The following DLGAP1 variants were observed in gnomAD, a reference collection of about 807,000 sequenced individuals.
DLGAP1 encodes disks large-associated protein 1.
DLGAP1 carries 11 observed loss-of-function variants against 90.8 expected under a neutral mutation model. The ratio of observed to expected loss-of-function variants is 0.12; its 90% CI spans 0.08 to 0.20. The LOEUF (loss-of-function observed/expected upper bound fraction) is 0.20. Among genes scored for constraint, DLGAP1 ranks in the 10% least tolerant of loss-of-function variants. The probability of loss-of-function intolerance (pLI) is 1.00; values close to 1 mark genes in which losing one functional copy is unlikely to be tolerated. For missense variants in DLGAP1, 1,050 were observed against 1,333.8 expected (o/e 0.79, Z 3.31); for synonymous variants, 558 against 540.7 (o/e 1.03, Z -0.44).
chr18:3,908,465 T>C (rs986182330), intron 3 of DLGAP1, among the ~76,000 whole-genome samples: 3 of 152,186 alleles, frequency 2.0e-5, no homozygotes, highest in East Asian at 3.9e-4. Flanking sequence ...GAAAAATTAC[T>C]GATTTCTGGC....
intron 2 of DLGAP1, among the ~76,000 whole-genome samples, chr18:4,080,456 A>G (rs1237450642): frequency 6.6e-6 from 1 of 152,204 alleles, no homozygotes; most frequent in African/African-American, 2.4e-5. Flanking sequence ...CAAAATGGCT[A>G]TTCAGGAAGG....
intron 1 of DLGAP1, among the ~76,000 whole-genome samples, chr18:4,282,282 T>C (rs941381677): frequency 4.0e-5 from 6 of 150,012 alleles, no homozygotes; most frequent in Non-Finnish European, 8.8e-5. Context: ...GAGAATGGCA[T>C]GAACCTGGGA....
intron 7 of DLGAP1, among the ~76,000 whole-genome samples, chr18:3,596,412 G>A (rs975962410): frequency 3.9e-5 from 6 of 151,908 alleles, no homozygotes; most frequent in Non-Finnish European, 7.4e-5. Context: ...TGTCTGCCTC[G>A]GCCTCCCAAA....
chr18:3,664,247 A>G (rs1772229896), intron 7 of DLGAP1, among the ~76,000 whole-genome samples: 1 of 148,700 alleles, frequency 6.7e-6, no homozygotes, highest in South Asian at 2.1e-4. Context: ...CGGATATACT[A>G]CTTCTCTGGA....
rs370852151 is a variant in DLGAP1, at chr18:3,711,069, G to A, written c.1591+18066C>T. Among the ~76,000 whole-genome samples, 3 of 152,350 alleles carry A rather than the reference G, an allele frequency of 2.0e-5. No individual in the cohort carries two copies. Among genetic ancestry groups the A allele is most frequent in the South Asian group, 2.1e-4 (1 of 4,826 alleles). ...CAGAAGAGTCCAGAAACACGACAGAGGAAGTCAGAGAGCCAGGAGGGGCCG... is the reference window on the plus strand; with the variant it reads ...CAGAAGAGTCCAGAAACACGACAGAAGAAGTCAGAGAGCCAGGAGGGGCCG... On this transcript the variant is annotated intron_variant, in intron 7 of 12. Coordinates refer to ENST00000315677, the MANE Select transcript of DLGAP1 (RefSeq NM_004746.4). This position sits in a 1 kb window ranked among gnomAD's most constrained non-coding sequence, Gnocchi z 4.0.
At chr18:4,028,458 G>A (rs1772735148) in intron 2 of DLGAP1, among the ~76,000 whole-genome samples, 1 of 152,156 alleles carries the variant, frequency 6.6e-6, no homozygotes, top group African/African-American at 2.4e-5. Flanking sequence ...AGCAGGCACA[G>A]GGCACATCAC....
chr18:3,962,247 A>G (rs2073214855), intron 3 of DLGAP1: 1 of 152,178 alleles, frequency 6.6e-6, no homozygotes, highest in African/African-American at 2.4e-5. Context: ...ATTCTTTCAG[A>G]AAGGACGTCA....
chr18:4,054,073 A>T (rs2075176753), intron 2 of DLGAP1, among the ~76,000 whole-genome samples: 1 of 152,202 alleles, frequency 6.6e-6, no homozygotes, highest in African/African-American at 2.4e-5. Context: ...CTGCCACCTG[A>T]TACTTCTGTG....
chr18:3,609,008 A>C (rs1413216574), intron 7 of DLGAP1, among the ~76,000 whole-genome samples: 1 of 151,926 alleles, frequency 6.6e-6, no homozygotes, highest in Non-Finnish European at 1.5e-5. Context: ...GCTAATTTTT[A>C]TACTTTTAGT....
chr18:4,437,323 T>C (rs2083424434), intron 1 of DLGAP1, among the ~76,000 whole-genome samples: 1 of 152,204 alleles, frequency 6.6e-6, no homozygotes, highest in South Asian at 2.1e-4. Context: ...TGTTAAATAA[T>C]TGATCAATTA....
chr18:3,535,271 G>C (rs1417742529), intron 9 of DLGAP1, among the ~76,000 whole-genome samples: 1 of 152,194 alleles, frequency 6.6e-6, no homozygotes, highest in Non-Finnish European at 1.5e-5. Context: ...ATTAAAGCCA[G>C]TAGAATGTGC....
chr18:4,014,651 C>T (rs1018403029), intron 2 of DLGAP1, among the ~76,000 whole-genome samples: 4 of 152,088 alleles, frequency 2.6e-5, no homozygotes, highest in Non-Finnish European at 4.4e-5. Flanking sequence ...ATCAAAATAT[C>T]ACATATCCCC....
At chr18:4,182,980 C>T (rs10502322) in intron 1 of DLGAP1, among the ~76,000 whole-genome samples, 15,228 of 152,098 alleles carry the variant, frequency 0.1, 2,462 homozygotes, top group African/African-American at 0.34. Context: ...GTAATCATAG[C>T]TGGGCTCCTT....
intron 1 of DLGAP1, among the ~76,000 whole-genome samples, chr18:4,154,226 A>AT (rs555943126): frequency 0.024 from 3,110 of 130,420 alleles, 84 homozygotes; most frequent in African/African-American, 0.071. Flanking sequence ...ACACCCGGCT[A>AT]TTTTTTTTTT....
intron 4 of DLGAP1, among the ~76,000 whole-genome samples, chr18:3,853,264 T>C (rs34130062): frequency 6.6e-6 from 1 of 152,150 alleles, no homozygotes; most frequent in Admixed American, 6.6e-5. Flanking sequence ...AAGGTACAGG[T>C]TGAGTATTCC....
chr18:4,019,117 A>G (rs1391671339), intron 2 of DLGAP1, among the ~76,000 whole-genome samples: 2 of 152,216 alleles, frequency 1.3e-5, no homozygotes, highest in Non-Finnish European at 2.9e-5. Context: ...TTCTGAGCAC[A>G]GTCTATTCTG....
chr18:4,292,799 T>C (rs961932357), intron 1 of DLGAP1, among the ~76,000 whole-genome samples: 2 of 152,156 alleles, frequency 1.3e-5, no homozygotes, highest in African/African-American at 4.8e-5. Context: ...AGTTAGAAAG[T>C]TGGTAAGAAA....
At chr18:3,973,970 T>C (rs1427037284) in intron 3 of DLGAP1, among the ~76,000 whole-genome samples, 1 of 152,262 alleles carries the variant, frequency 6.6e-6, no homozygotes, top group East Asian at 1.9e-4. Context: ...GCTACAGATC[T>C]GCACAGCACG....
intron 2 of DLGAP1, among the ~76,000 whole-genome samples, chr18:4,102,957 T>C (rs2075803410): frequency 2.0e-5 from 3 of 152,186 alleles, no homozygotes; most frequent in African/African-American, 2.4e-5. Context: ...ACTCTCTCCT[T>C]CCCTTGGGAA....
Sources: allele counts gnomAD v4.1 joint callset (sites outside exome capture counted in the v4.1 genomes callset), GRCh38; gene constraint gnomAD v4.1.1; non-coding constraint Gnocchi (gnomAD v3.1); transcripts MANE v1.5; gene names NCBI Gene and HGNC (gene_info 2026-07-23, HGNC 2026-07-21).